UBE2C: variants seen among roughly 807,000 people sequenced by gnomAD.
The protein encoded by UBE2C is ubiquitin-conjugating enzyme E2 C.
Under a neutral mutation model 23.5 loss-of-function variants are expected in UBE2C, and 16 were observed. The observed-to-expected ratio is 0.68, with a 90% CI of 0.46 to 1.03. The LOEUF (loss-of-function observed/expected upper bound fraction) is 1.03. Ranked by LOEUF, UBE2C falls within the 50% of genes least tolerant of loss-of-function variation. UBE2C has a pLI of 0.00. For synonymous variants in UBE2C, 76 were observed against 91.6 expected (o/e 0.83, Z 0.97); for missense variants, 192 against 227.6 (o/e 0.84, Z 1.01).
chr20:45,814,656 C>T (rs1462036698), intron 3 of UBE2C, among the ~76,000 whole-genome samples, 186 bp downstream of exon 3: 5 of 152,104 alleles, frequency 3.3e-5, no homozygotes, highest in Admixed American at 3.3e-4. Flanking sequence ...GCAGGGCTGC[C>T]TATCTTAGAT....
chr20:45,814,271 C>CATATATAT lies in UBE2C; in HGVS notation c.130-91_130-84dup, dbSNP rs3080107. Reference sequence around the variant, plus strand: ...ATATATGTGTGTGTGTGTATGTGAGCATATATATATATATATATATATATA... The same window carrying CATATATAT: ...ATATATGTGTGTGTGTGTATGTGAGCATATATATATATATATATATATATATATATATA... On this transcript the variant is annotated intron_variant, in intron 2 of 5. Transcript: ENST00000356455. 682 of 391,388 alleles carry CATATATAT rather than the reference C, an allele frequency of 1.7e-3. 8 individuals are homozygous for CATATATAT. The highest frequency in any genetic ancestry group is 3.9e-3 in the African/African-American group (155 of 39,804). 24.2% of individuals were successfully genotyped at this position (391,388 alleles called of 1,614,324 possible). A position where few individuals can be genotyped will look rare whatever the true frequency, so the allele number is the denominator to read the frequency against.
chr20:45,816,852 C>CT lies in UBE2C; in HGVS notation c.*88dup, dbSNP rs1162924564. The CT allele has an allele frequency of 8.5e-7, 1 of 1,170,388 alleles. No homozygotes were observed. Among genetic ancestry groups the CT allele is most frequent in the Non-Finnish European group, 1.2e-6 (1 of 818,660 alleles). 72.5% of individuals were successfully genotyped at this position (1,170,388 alleles called of 1,614,324 possible). ...CTTTTTGTGATTTCTGTATAGGACTCTTTATCTTGAGCTGTGGTATTTTTG... is the reference window on the plus strand; with the variant it reads ...CTTTTTGTGATTTCTGTATAGGACTCTTTTATCTTGAGCTGTGGTATTTTTG... On this transcript the variant is annotated 3_prime_UTR_variant, in exon 6 of 6. Transcript: ENST00000356455.
chr20:45,816,467 C>A (rs1397760954), intron 5 of UBE2C, among the ~76,000 whole-genome samples: 1 of 152,166 alleles, frequency 6.6e-6, no homozygotes, highest in African/African-American at 2.4e-5. Context: ...GAAACCCCGT[C>A]TCTACTAAAT....
intron 5 of UBE2C, 119 bp downstream of exon 5, chr20:45,816,032 A>G (rs1982518178): frequency 4.0e-6 from 4 of 995,582 alleles, no homozygotes; most frequent in Non-Finnish European, 6.0e-6. Flanking sequence ...GAGTGTCGGC[A>G]GCAACCCACT....
At position 45,816,851 on chromosome 20, in the gene UBE2C, T is replaced by C. The variant is rs1253158085; in HGVS notation, c.*84T>C. The stretch of plus-strand genomic sequence containing the variant: ...CCTTTTTGTGATTTCTGTATAGGAC[T>C]CTTTATCTTGAGCTGTGGTATTTTT... On this transcript the variant is annotated 3_prime_UTR_variant, in exon 6 of 6. Transcript: ENST00000356455. 1 of 1,187,850 alleles carries C rather than the reference T, an allele frequency of 8.4e-7. No individual in the cohort carries two copies. The highest frequency in any genetic ancestry group is 1.6e-5 in the African/African-American group (1 of 64,466). The allele number at this position is 1,187,850 out of a possible 1,614,324, so 73.6% of individuals were successfully genotyped here. A position where few individuals can be genotyped will look rare whatever the true frequency, so the allele number is the denominator to read the frequency against.
intron 1 of UBE2C, chr20:45,813,061 C>T (rs1208015066): frequency 1.4e-6 from 2 of 1,410,842 alleles, no homozygotes; most frequent in Non-Finnish European, 1.8e-6. Context: ...CTTTGAGACT[C>T]TCCCGAAGGA....
At chr20:45,813,950 C>A (rs896273203) in intron 2 of UBE2C, among the ~76,000 whole-genome samples, 2 of 151,874 alleles carry the variant, frequency 1.3e-5, no homozygotes, top group South Asian at 2.1e-4. Context: ...ACTAAAAATA[C>A]AAAAATTATC....
Position 45,813,471 on chromosome 20 carries a change from G to A in UBE2C, c.129+7G>A. Reference sequence around the variant, plus strand: ...GGAGCTGATGACCCTCATGGTGAGTGATTAAGTGCCCAGAACCCCAGCCTT... The same window carrying A: ...GGAGCTGATGACCCTCATGGTGAGTAATTAAGTGCCCAGAACCCCAGCCTT... On this transcript the variant is annotated splice_region_variant and intron_variant, in intron 2 of 5. Transcript: ENST00000356455. 1.2e-6 allele frequency: 2 copies of A among 1,614,140 alleles called. No individual in the cohort carries two copies. The highest frequency in any genetic ancestry group is 8.5e-7 in the Non-Finnish European group (1 of 1,180,024).
chr20:45,815,882 A>T lies in UBE2C; in HGVS notation c.450A>T (p.Thr150=), dbSNP rs780434406. Residue 150 remains threonine, a synonymous_variant, in exon 5 of 6, where the codon ACA becomes ACT. Coordinates refer to ENST00000356455, the MANE Select transcript of UBE2C (RefSeq NM_007019.4). ...GEPNIDSPLN[T]HAAELWKNPT... ...CCAACATTGATAGTCCCTTGAACAC[A>T]CATGCTGCCGAGCTCTGGAAAAACC... 1.9e-6 allele frequency: 3 copies of T among 1,613,888 alleles called. No homozygotes were observed. The African/African-American group carries it at 4.0e-5, about 22-fold the overall frequency.
rs368265822 is a variant in UBE2C, at chr20:45,815,570, G to A, written c.246G>A (p.Ser82=). ...TVYEDLRYKL[S]LEFPSGYPYN... ...ATGAAGACCTGAGGTATAAGCTCTC[G>A]CTAGAGTTCCCCAGTGGCTACCCTT... The change falls in exon 4 of 6, where the codon TCG becomes TCA. Residue 82 remains serine, a synonymous_variant. Transcript: ENST00000356455. 3.9e-4 allele frequency: 636 copies of A among 1,613,916 alleles called. 1 individual carries two copies. Among genetic ancestry groups the A allele is most frequent in the Non-Finnish European group, 5.3e-4 (620 of 1,180,022 alleles).
At chr20:45,813,922 T>C (rs4458269) in intron 2 of UBE2C, among the ~76,000 whole-genome samples, 6,693 of 152,022 alleles carry the variant, frequency 0.044, 149 homozygotes, top group Middle Eastern at 0.092. Flanking sequence ...CTGGCCAACA[T>C]TGCAAAACCC....
rs995417844 is a variant in UBE2C at position 45,814,114 on chromosome 20, ATCTC to A, written c.130-261_130-258del. On this transcript the variant is annotated intron_variant, in intron 2 of 5. Transcript: ENST00000356455. ...TGTGTGTGTGTGTCTGTCTCTGTCT[ATCTC>A]TCTCTCTCAATCTCTCTCTCTCTCT... is the stretch of plus-strand genomic sequence containing the variant. 3.7e-5 allele frequency among the ~76,000 whole-genome samples: 5 copies of A among 134,500 alleles called. No homozygotes were observed. The South Asian group carries it at 9.4e-4, about 25-fold the overall frequency. The allele number at this position is 134,500 out of a possible 152,430, so 88.2% of individuals were successfully genotyped here.
intron 3 of UBE2C, 126 bp downstream of exon 3, chr20:45,814,596 A>G: frequency 1.5e-6 from 1 of 659,762 alleles, no homozygotes; most frequent in Non-Finnish European, 2.5e-6. Context: ...ACATTCTCTG[A>G]GCCATGTGGC....
At chr20:45,813,179 C>T in intron 1 of UBE2C, 4 of 1,408,196 alleles carry the variant, frequency 2.8e-6, no homozygotes, top group Non-Finnish European at 3.7e-6. Context: ...GAAGTTGAGT[C>T]GGGCAAGGAA....
intron 2 of UBE2C, among the ~76,000 whole-genome samples, chr20:45,814,072 T>C (rs540276382): frequency 1.3e-5 from 2 of 151,736 alleles, no homozygotes; most frequent in East Asian, 3.9e-4. Flanking sequence ...CACTGCACTC[T>C]AGCCTGGGCG....
chr20:45,813,152 C>T, intron 1 of UBE2C: 1 of 1,397,184 alleles, frequency 7.2e-7, no homozygotes, highest in Non-Finnish European at 9.3e-7. Context: ...GTGACTTGGC[C>T]GAGACAGGGG....
chr20:45,815,365 T>G (rs574879843), intron 3 of UBE2C, 176 bp from the exon 4 acceptor site: 24 of 1,573,216 alleles, frequency 1.5e-5, no homozygotes, highest in Non-Finnish European at 1.9e-5. Flanking sequence ...AAATAAAAAC[T>G]AAACTAAAAA....
chr20:45,816,340 C>T (rs907475936), intron 5 of UBE2C, among the ~76,000 whole-genome samples: 2 of 152,150 alleles, frequency 1.3e-5, no homozygotes, highest in Non-Finnish European at 2.9e-5. Context: ...TCTTGCCCAC[C>T]TTAATTCATC....
At chr20:45,815,805 G>C in intron 4 of UBE2C, 49 bp from the exon 5 acceptor site, 5 of 1,613,484 alleles carry the variant, frequency 3.1e-6, no homozygotes, top group Non-Finnish European at 4.2e-6. Context: ...GGACTCCCTG[G>C]GGTCAGCCTC....
Sources: allele counts gnomAD v4.1 joint callset (sites outside exome capture counted in the v4.1 genomes callset), GRCh38; gene constraint gnomAD v4.1.1; transcripts MANE v1.5; gene names NCBI Gene and HGNC (gene_info 2026-07-23, HGNC 2026-07-21).